The following RBFOX1 variants were observed in gnomAD, a reference collection of about 807,000 sequenced individuals.
RBFOX1 encodes RNA binding fox-1 homolog 1, also known as RNA binding protein fox-1 homolog 1.
In RBFOX1, 8 loss-of-function variants were observed where a neutral mutation model predicts 57.7. The observed-to-expected ratio is 0.14, with a 90% CI of 0.08 to 0.25. The LOEUF (loss-of-function observed/expected upper bound fraction) is 0.25, where lower values mean the gene tolerates loss of function less well. RBFOX1 is among the 10% of genes least tolerant of loss of function. The pLI is 1.00. For missense variants in RBFOX1, 611 were observed against 548.5 expected (o/e 1.11, Z -1.14); for synonymous variants, 326 against 222.4 (o/e 1.47, Z -4.15).
At chr16:7,569,854 C>T (rs879358886) in intron 5 of RBFOX1, among the ~76,000 whole-genome samples, 15 of 151,958 alleles carry the variant, frequency 9.9e-5, no homozygotes, top group Non-Finnish European at 2.2e-4. Context: ...GTGAGCGCCT[C>T]TGTCTCCAAA....
rs139177393 is a variant in RBFOX1, at chr16:6,741,751, A to G, written c.-16+87101A>G. On this transcript the variant is annotated intron_variant, in intron 3 of 15. Transcript: ENST00000550418. Reference sequence around the variant, plus strand: ...AAGAAAAGCTATAATGTGGAAGAAAATACTTGCAAATTTCATATCTAATAA... The same window carrying G: ...AAGAAAAGCTATAATGTGGAAGAAAGTACTTGCAAATTTCATATCTAATAA... Among the ~76,000 whole-genome samples the G allele has an allele frequency of 1.9e-3, 283 of 152,262 alleles. 1 individual carries two copies. The highest frequency in any genetic ancestry group is 6.3e-3 in the African/African-American group (263 of 41,546).
At chr16:6,236,506 C>G (rs1877932890) in intron 1 of RBFOX1, among the ~76,000 whole-genome samples, 1 of 151,850 alleles carries the variant, frequency 6.6e-6, no homozygotes, top group African/African-American at 2.4e-5. Context: ...GCCATCTCGG[C>G]TCACTGCAAC....
chr16:6,834,924 G>T (rs530042155), intron 3 of RBFOX1, among the ~76,000 whole-genome samples: 2 of 135,278 alleles, frequency 1.5e-5, no homozygotes, highest in African/African-American at 5.6e-5. Flanking sequence ...ATGGTGTCTC[G>T]CTCTGTTGCC....
Position 5,450,939 on chromosome 16 carries a change from C to G in RBFOX1, c.220-16277C>G, listed in dbSNP as rs372846764. Among the ~76,000 whole-genome samples, 71 of 152,280 alleles carry G rather than the reference C, an allele frequency of 4.7e-4. No individual in the cohort carries two copies. The East Asian group carries it at 7.0e-3, about 15-fold the overall frequency. The stretch of plus-strand genomic sequence containing the variant: ...AGCTCAAGGGTAAGCTTGTCCGAGC[C>G]TCAGTGTTCTCATCTGGAAAATGGG... On this transcript the variant is annotated intron_variant, in intron 1 of 2. Transcript: ENST00000585867.
At chr16:6,419,593 AT>A (rs1172828001) in intron 2 of RBFOX1, among the ~76,000 whole-genome samples, 1 of 152,158 alleles carries the variant, frequency 6.6e-6, no homozygotes, top group African/African-American at 2.4e-5. Flanking sequence ...CCCCGTGCCA[AT>A]TTCATTTCAG....
chr16:5,398,202 T>C (rs1388384239), intron 1 of RBFOX1, among the ~76,000 whole-genome samples: 2 of 152,204 alleles, frequency 1.3e-5, no homozygotes, highest in Non-Finnish European at 2.9e-5. Flanking sequence ...TGTATATGTG[T>C]GTACATGTGT....
intron 2 of RBFOX1, among the ~76,000 whole-genome samples, chr16:5,598,008 A>T (rs1443211043): frequency 6.6e-6 from 1 of 152,156 alleles, no homozygotes; most frequent in African/African-American, 2.4e-5. Context: ...CACAAGAAAT[A>T]CACAGTGGCT....
At chr16:6,296,224 C>A (rs1164600013) in intron 1 of RBFOX1, among the ~76,000 whole-genome samples, 2 of 152,132 alleles carry the variant, frequency 1.3e-5, no homozygotes, top group Admixed American at 1.3e-4. Context: ...CTGCTTATGA[C>A]CTTGGTGCCA....
intron 2 of RBFOX1, among the ~76,000 whole-genome samples, chr16:6,460,112 T>C (rs1462575006): frequency 6.7e-6 from 1 of 148,884 alleles, no homozygotes; most frequent in African/African-American, 2.5e-5. Context: ...TAATACAGCA[T>C]TGCAGACTTG....
chr16:6,710,990 G>A (rs761792650), intron 3 of RBFOX1, among the ~76,000 whole-genome samples: 16 of 152,140 alleles, frequency 1.1e-4, no homozygotes, highest in Non-Finnish European at 1.3e-4. Flanking sequence ...TCTACTGAGC[G>A]GAAAAATGGC....
intron 3 of RBFOX1, among the ~76,000 whole-genome samples, chr16:5,650,352 T>TGGAG (rs1313619256): frequency 2.0e-5 from 3 of 149,306 alleles, no homozygotes; most frequent in Admixed American, 1.3e-4. Flanking sequence ...GGTGGTGGTG[T>TGGAG]GGAGGGAGGG....
intron 4 of RBFOX1, among the ~76,000 whole-genome samples, chr16:7,482,586 A>G (rs1171939802): frequency 4.7e-5 from 6 of 127,628 alleles, no homozygotes; most frequent in African/African-American, 1.9e-4. Flanking sequence ...AGTCATGAAG[A>G]TATTGCCTAG....
At chr16:6,242,884 C>G (rs558411936) in intron 1 of RBFOX1, among the ~76,000 whole-genome samples, 3 of 152,068 alleles carry the variant, frequency 2.0e-5, no homozygotes, top group Non-Finnish European at 4.4e-5. Flanking sequence ...AATGTTAAAA[C>G]TTTATCAGAG....
intron 6 of RBFOX1, among the ~76,000 whole-genome samples, chr16:7,580,128 C>T (rs974005885): frequency 1.3e-5 from 2 of 152,126 alleles, no homozygotes; most frequent in African/African-American, 4.8e-5. Context: ...CATGTATCTA[C>T]TTTACCAAGT....
intron 1 of RBFOX1, among the ~76,000 whole-genome samples, chr16:6,266,492 T>C (rs1270913703): frequency 6.6e-6 from 1 of 152,136 alleles, no homozygotes; most frequent in African/African-American, 2.4e-5. Flanking sequence ...GGCAGGCAGA[T>C]CACTTGAGGT....
chr16:7,365,038 G>A (rs534433424), intron 4 of RBFOX1, among the ~76,000 whole-genome samples: 3 of 152,260 alleles, frequency 2.0e-5, no homozygotes, highest in East Asian at 1.9e-4. Context: ...CCGTCCGTCT[G>A]TCCGTCGTCT....
intron 1 of RBFOX1, among the ~76,000 whole-genome samples, chr16:6,167,001 C>T (rs533031446): frequency 2.6e-5 from 4 of 152,214 alleles, no homozygotes; most frequent in African/African-American, 9.6e-5. Context: ...TCTCAAACTC[C>T]TGACCTCATG....
intron 3 of RBFOX1, chr16:5,610,554 C>A (rs1161134849): frequency 6.6e-6 from 1 of 152,146 alleles, no homozygotes; most frequent in African/African-American, 2.4e-5. Flanking sequence ...AGGCTGGGCA[C>A]AGTGGCTTAT....
At chr16:7,171,354 C>G (rs780813657) in intron 4 of RBFOX1, among the ~76,000 whole-genome samples, 1 of 152,300 alleles carries the variant, frequency 6.6e-6, no homozygotes, top group Non-Finnish European at 1.5e-5. Flanking sequence ...AAATGCTTAG[C>G]TGAGCACTTG....
Sources: allele counts gnomAD v4.1 joint callset (sites outside exome capture counted in the v4.1 genomes callset), GRCh38; gene constraint gnomAD v4.1.1; transcripts MANE v1.5; gene names NCBI Gene and HGNC (gene_info 2026-07-23, HGNC 2026-07-21).